A2M: variants seen among roughly 807,000 people sequenced by gnomAD.
A2M encodes the protein C3 and PZP-like alpha-2-macroglobulin domain-containing protein 5.
A2M carries 128 observed loss-of-function variants against 183.9 expected under a neutral mutation model. The ratio of observed to expected loss-of-function variants is 0.70; its 90% CI spans 0.60 to 0.81. A2M has a LOEUF of 0.81. Among genes scored for constraint, A2M ranks in the 30% least tolerant of loss-of-function variants. The pLI, the probability that A2M is intolerant of heterozygous loss-of-function variation, is 0.00. For synonymous variants in A2M, 592 were observed against 670.8 expected (o/e 0.88, Z 1.81); for missense variants, 1,495 against 1,787.6 (o/e 0.84, Z 2.95).
In A2M at chr12:9,113,372, A is replaced by G; in HGVS notation, c.258T>C (p.Cys86=). Residue 86 remains cysteine (C), a synonymous_variant, in exon 2 of 36, where the codon TGT becomes TGC. Coordinates refer to ENST00000318602, the MANE Select transcript of A2M (RefSeq NM_000014.6). ...CAGCCACACTCACAGCGAAGGCGAC[A>G]CAGTGGAGTACGTCATTCTCCGCCT... is the stretch of plus-strand genomic sequence containing the variant. ...DLEAENDVLH[C]VAFAVPKSSS... The G allele has an allele frequency of 6.2e-7, 1 of 1,613,578 alleles. No homozygotes were observed. Among genetic ancestry groups the G allele is most frequent in the East Asian group, 2.2e-5 (1 of 44,872 alleles).
intron 10 of A2M, 93 bp from the exon 11 acceptor site, chr12:9,104,493 G>T: frequency 1.5e-6 from 2 of 1,316,076 alleles, no homozygotes; most frequent in Non-Finnish European, 2.1e-6. Flanking sequence ...CCTCCTCTAT[G>T]TTGAACATGG....
intron 13 of A2M, among the ~76,000 whole-genome samples, chr12:9,100,766 C>G (rs1937772199): frequency 1.3e-5 from 2 of 152,146 alleles, no homozygotes; most frequent in Admixed American, 1.3e-4. Flanking sequence ...AATGGAAAAC[C>G]AAACATCATA....
Position 9,113,558 on chromosome 12 carries a change from G to A in A2M, c.87-15C>T, listed in dbSNP as rs776167603. 6.2e-7 allele frequency: 1 copy of A among 1,609,152 alleles called. No individual in the cohort carries two copies. The highest frequency in any genetic ancestry group is 1.3e-5 in the African/African-American group (1 of 74,648). Reference sequence around the variant, plus strand: ...CCATATACTGCCTGGGAATGAGACGGTTCAGTTAGAGGAAAGTGAAGGAAG... The same window carrying A: ...CCATATACTGCCTGGGAATGAGACGATTCAGTTAGAGGAAAGTGAAGGAAG... On this transcript the variant is annotated splice_polypyrimidine_tract_variant and intron_variant, in intron 1 of 35. Transcript: ENST00000318602.
chr12:9,080,085 G>C lies in A2M; in HGVS notation c.2854+9C>G. On this transcript the variant is annotated intron_variant, in intron 23 of 35. Coordinates refer to ENST00000318602, the MANE Select transcript of A2M (RefSeq NM_000014.6). ...TAATGCCCGGATCCACTAGGGGCTG[G>C]AGACTCACCCAAAACTGAGACAGAA... 1 of 1,570,434 alleles carries C rather than the reference G, an allele frequency of 6.4e-7. No homozygotes were observed. Among genetic ancestry groups the C allele is most frequent in the Non-Finnish European group, 8.7e-7 (1 of 1,155,340 alleles).
rs777820311 is a variant in A2M at position 9,089,940 on chromosome 12, C to T, written c.2680G>A (p.Gly894Arg). The T allele has an allele frequency of 5.0e-6, 8 of 1,612,006 alleles. No homozygotes were observed. The highest frequency in any genetic ancestry group is 2.7e-5 in the African/African-American group (2 of 74,818). The change falls in exon 21 of 36, where the codon GGA becomes AGA. Residue 894 changes from glycine (G) to arginine (R), a missense_variant. Transcript: ENST00000318602. ...GGCTTGATGACTGTGTCTTTCCTTC[C>T]GTGTTCAGGAACTGAAGGCACCTCA... ...GTEVPSVPEH[G>R]RKDTVIKPLL...
rs1051513413 is a variant in A2M, at chr12:9,093,729, A to C, written c.2126-150T>G. 9 of 496,598 alleles carry C rather than the reference A, an allele frequency of 1.8e-5. No homozygotes were observed. In the Admixed American group the frequency reaches 3.5e-4, roughly 19 times the overall value. The allele number at this position is 496,598 out of a possible 1,614,324, so 30.8% of individuals were successfully genotyped here. ...GGAGAGGGCGCTTGGGTCATCAAGG[A>C]AAGCTTCTTTGAGGAGGAAATATGT... On this transcript the variant is annotated intron_variant, in intron 17 of 35. Coordinates refer to ENST00000318602, the MANE Select transcript of A2M (RefSeq NM_000014.6).
intron 15 of A2M, among the ~76,000 whole-genome samples, chr12:9,097,684 A>C (rs1949425258): frequency 7.1e-6 from 1 of 141,360 alleles, no homozygotes; most frequent in African/African-American, 2.7e-5. Context: ...CCCAGGCTGG[A>C]GTGCAGTGGC....
chr12:9,089,930 T>C lies in A2M; in HGVS notation c.2690A>G (p.Asp897Gly), dbSNP rs1274516980. ...AACCAACAGAGGCTTGATGACTGTG[T>C]CTTTCCTTCCGTGTTCAGGAACTGA... Reference protein sequence around the residue: ...VPSVPEHGRKDTVIKPLLVEP... With the variant: ...VPSVPEHGRKGTVIKPLLVEP... The change falls in exon 21 of 36, where the codon GAC (aspartate) becomes GGC (glycine). Residue 897 changes from aspartate to glycine, a missense_variant. Coordinates refer to ENST00000318602, the MANE Select transcript of A2M (RefSeq NM_000014.6). The C allele has an allele frequency of 2.5e-6, 4 of 1,612,550 alleles. No homozygotes were observed. The highest frequency in any genetic ancestry group is 2.5e-6 in the Non-Finnish European group (3 of 1,178,878).
intron 31 of A2M, among the ~76,000 whole-genome samples, chr12:9,071,935 C>A (rs1289175885): frequency 1.3e-5 from 2 of 152,154 alleles, no homozygotes; most frequent in African/African-American, 4.8e-5. Flanking sequence ...ATCTTCCCCC[C>A]AAATTAATTA....
intron 12 of A2M, 83 bp from the exon 13 acceptor site, chr12:9,101,290 G>T: frequency 1.4e-6 from 2 of 1,424,128 alleles, no homozygotes; most frequent in Non-Finnish European, 1.9e-6. Flanking sequence ...GTTTTATTGA[G>T]TCCCTGCCGG....
At chr12:9,095,184 T>A in intron 16 of A2M, 100 bp from the exon 17 acceptor site, 1 of 603,692 alleles carries the variant, frequency 1.7e-6, no homozygotes. Context: ...CCAGTTAACT[T>A]AAATTAAACT....
Position 9,091,202 on chromosome 12 carries a change from C to T in A2M, c.2468G>A (p.Arg823Gln), listed in dbSNP as rs1023050835. The T allele has an allele frequency of 1.1e-5, 17 of 1,612,968 alleles. No homozygotes were observed. Among genetic ancestry groups the T allele is most frequent in the South Asian group, 2.2e-5 (2 of 91,042 alleles). ...TTAATTTAGGAAAGAGATCCTTACCCGGATGCATTTGGGAAGGTAGTTTAG... is the reference window on the plus strand; with the variant it reads ...TTAATTTAGGAAAGAGATCCTTACCTGGATGCATTTGGGAAGGTAGTTTAG... ...TVLNYLPKCI[R>Q]VSVQLEASPA... Residue 823 changes from arginine to glutamine, a missense_variant and splice_region_variant, in exon 19 of 36, where the codon CGG becomes CAG. Transcript: ENST00000318602.
At chr12:9,068,338 T>C (rs1313419074) in intron 34 of A2M, 114 bp from the exon 35 acceptor site, 7 of 1,065,848 alleles carry the variant, frequency 6.6e-6, no homozygotes, top group Non-Finnish European at 9.5e-6. Context: ...AGAACAGTAT[T>C]GTACCAGAAA....
At chr12:9,091,473 T>C (rs1347425552) in intron 18 of A2M, 44 bp from the exon 19 acceptor site, 2 of 1,598,530 alleles carry the variant, frequency 1.3e-6, no homozygotes, top group East Asian at 2.2e-5. Context: ...AGCAGTTAAA[T>C]ACATCCTTTC....
chr12:9,096,551 T>C (rs1949386495), intron 15 of A2M, among the ~76,000 whole-genome samples: 1 of 152,238 alleles, frequency 6.6e-6, no homozygotes, highest in Non-Finnish European at 1.5e-5. Flanking sequence ...CAGATCTTCA[T>C]ATAATACATA....
chr12:9,089,193 C>T lies in A2M; in HGVS notation c.2770+7G>A. The T allele has an allele frequency of 6.3e-7, 1 of 1,577,330 alleles. No homozygotes were observed. The highest frequency in any genetic ancestry group is 8.6e-7 in the Non-Finnish European group (1 of 1,156,802). The stretch of plus-strand genomic sequence containing the variant: ...ATGTTTTTTAAATTATGATGGTTGA[C>T]TCTTACCTGATGGACAAAGTAGGGA... On this transcript the variant is annotated splice_region_variant and intron_variant, in intron 22 of 35. Coordinates refer to ENST00000318602, the MANE Select transcript of A2M (RefSeq NM_000014.6).
At position 9,076,932 on chromosome 12, in the gene A2M, G is replaced by A. The variant is rs1426307146; in HGVS notation, c.3356C>T (p.Pro1119Leu). 1 of 1,587,880 alleles carries A rather than the reference G, an allele frequency of 6.3e-7. No individual in the cohort carries two copies. The highest frequency in any genetic ancestry group is 1.3e-5 in the African/African-American group (1 of 74,266). The change falls in exon 28 of 36, where the codon CCT (proline) becomes CTT (leucine). Residue 1119 changes from proline (P) to leucine (L), a missense_variant. Physicochemically the swap from Pro to Leu is moderately conservative, Grantham distance 98 (BLOSUM62 -3). Transcript: ENST00000318602. The part of the protein sequence containing the change: ...LLEIPLTVTH[P>L]VVRNALFCLE... ...GCAAAACAGGGCATTGCGGACAACA[G>A]GGTGCTGTGAAGGCAGAACAAGAAG... is the stretch of plus-strand genomic sequence containing the variant.
chr12:9,106,749 C>T (rs1283134050), intron 8 of A2M, 144 bp from the exon 9 acceptor site: 6 of 466,710 alleles, frequency 1.3e-5, no homozygotes, highest in African/African-American at 9.9e-5. Flanking sequence ...TATTCTCTAG[C>T]AACTAAATAT....
At chr12:9,113,202 G>A (rs1043178850) in intron 2 of A2M, among the ~76,000 whole-genome samples, 158 bp downstream of exon 2, 2 of 150,468 alleles carry the variant, frequency 1.3e-5, no homozygotes, top group African/African-American at 4.9e-5. Flanking sequence ...TGGCTGGAGA[G>A]TCATGCATTG....
Sources: allele counts gnomAD v4.1 joint callset (sites outside exome capture counted in the v4.1 genomes callset), GRCh38; gene constraint gnomAD v4.1.1; transcripts MANE v1.5; gene names NCBI Gene and HGNC (gene_info 2026-07-23, HGNC 2026-07-21).